SEMA5A: variants seen among roughly 807,000 people sequenced by gnomAD.
SEMA5A encodes semaphorin-5A.
A neutral mutation model predicts 135.5 loss-of-function variants in SEMA5A; 55 were observed. That is an observed-to-expected ratio of 0.41 (90% CI 0.33 to 0.51). SEMA5A has a LOEUF of 0.51. Among genes scored for constraint, SEMA5A ranks in the 20% least tolerant of loss-of-function variants. The pLI is 0.37. For missense variants in SEMA5A, 1,290 were observed against 1,419.9 expected (o/e 0.91, Z 1.47); for synonymous variants, 580 against 546.5 (o/e 1.06, Z -0.85).
At chr5:9,124,937 CCTCACATGAAACAA>C (rs1320003371) in intron 13 of SEMA5A, among the ~76,000 whole-genome samples, 1 of 152,184 alleles carries the variant, frequency 6.6e-6, no homozygotes, top group East Asian at 1.9e-4. Flanking sequence ...GACTCATCAT[CCTCACATGAAACAA>C]CTCACAGGAA....
At chr5:9,425,021 G>C (rs1211732024) in intron 2 of SEMA5A, among the ~76,000 whole-genome samples, 2 of 152,104 alleles carry the variant, frequency 1.3e-5, no homozygotes, top group African/African-American at 4.8e-5. Flanking sequence ...TCTCCAAAGG[G>C]TTCCCAATGC....
At chr5:9,366,545 C>A (rs900112678) in intron 3 of SEMA5A, among the ~76,000 whole-genome samples, 2 of 152,144 alleles carry the variant, frequency 1.3e-5, no homozygotes, top group Admixed American at 1.3e-4. Context: ...CCCACCACCA[C>A]GCCCAGCTAA....
At chr5:9,347,657 G>A (rs1753935852) in intron 3 of SEMA5A, among the ~76,000 whole-genome samples, 1 of 152,118 alleles carries the variant, frequency 6.6e-6, no homozygotes, top group Admixed American at 6.5e-5. Flanking sequence ...AAAAATGCGT[G>A]CACTGTTTCA....
At chr5:9,337,154 T>G (rs943417960) in intron 4 of SEMA5A, among the ~76,000 whole-genome samples, 4 of 152,136 alleles carry the variant, frequency 2.6e-5, no homozygotes, top group African/African-American at 7.2e-5. Context: ...CCTTAAGAGA[T>G]AAAGATAAAA....
chr5:9,106,025 A>C (rs981771207), intron 16 of SEMA5A, among the ~76,000 whole-genome samples: 1 of 152,152 alleles, frequency 6.6e-6, no homozygotes, highest in Non-Finnish European at 1.5e-5. Context: ...TTCCTGCCTT[A>C]GGACAGACAG....
intron 5 of SEMA5A, among the ~76,000 whole-genome samples, chr5:9,280,302 T>C (rs1249130547): frequency 6.6e-6 from 1 of 152,170 alleles, no homozygotes; most frequent in African/African-American, 2.4e-5. Context: ...ATGATCCCTA[T>C]TGATCTTGTC....
chr5:9,468,469 T>C (rs1319188507), intron 1 of SEMA5A, among the ~76,000 whole-genome samples: 2 of 152,194 alleles, frequency 1.3e-5, no homozygotes, highest in African/African-American at 4.8e-5. Context: ...TTAATCCTTC[T>C]TTTAATAAAT....
At chr5:9,298,061 T>C (rs1751429209) in intron 5 of SEMA5A, among the ~76,000 whole-genome samples, 1 of 152,140 alleles carries the variant, frequency 6.6e-6, no homozygotes. Flanking sequence ...AACTGTGTCC[T>C]CCCCAAAAGA....
chr5:9,256,144 TA>T (rs1185920061), intron 5 of SEMA5A, among the ~76,000 whole-genome samples: 5 of 152,214 alleles, frequency 3.3e-5, no homozygotes, highest in Non-Finnish European at 7.3e-5. Flanking sequence ...TGTCCCATTA[TA>T]ACCCTTTCCT....
chr5:9,458,251 A>T (rs995282083), intron 1 of SEMA5A, among the ~76,000 whole-genome samples: 2 of 152,088 alleles, frequency 1.3e-5, no homozygotes, highest in African/African-American at 4.8e-5. Flanking sequence ...GCCATTATGT[A>T]TCACAATTGT....
intron 4 of SEMA5A, among the ~76,000 whole-genome samples, chr5:9,327,653 T>C (rs1238068879): frequency 2.6e-5 from 4 of 152,234 alleles, no homozygotes; most frequent in Admixed American, 2.6e-4. Flanking sequence ...CAGCAAATCT[T>C]AGAGATATAA....
intron 1 of SEMA5A, among the ~76,000 whole-genome samples, chr5:9,474,486 TAAAAAA>T (rs58649675): frequency 6.8e-6 from 1 of 146,898 alleles, no homozygotes; most frequent in African/African-American, 2.5e-5. Flanking sequence ...GAAGCATGCT[TAAAAAA>T]AAAAAAATAG....
chr5:9,353,167 A>G (rs548195994), intron 3 of SEMA5A, among the ~76,000 whole-genome samples: 2 of 99,418 alleles, frequency 2.0e-5, no homozygotes, highest in East Asian at 3.1e-4. Flanking sequence ...GAAAGGAGGG[A>G]AAGGAAGGGA....
At chr5:9,122,094 G>A (rs1410737589) in intron 14 of SEMA5A, among the ~76,000 whole-genome samples, 1 of 152,100 alleles carries the variant, frequency 6.6e-6, no homozygotes, top group African/African-American at 2.4e-5. Context: ...GGGATGGAGA[G>A]CAAACAGAAT....
Position 9,197,148 on chromosome 5 carries a change from C to T in SEMA5A, c.1068+20G>A. On this transcript the variant is annotated intron_variant, in intron 10 of 22. Transcript: ENST00000382496. The stretch of plus-strand genomic sequence containing the variant: ...TTCATGGGGGATGCCAACAGTGCCC[C>T]TTTGCCCCCCGAAAATTACCTGGAA... The T allele has an allele frequency of 1.2e-6, 2 of 1,614,000 alleles. No homozygotes were observed. Among genetic ancestry groups the T allele is most frequent in the Non-Finnish European group, 1.7e-6 (2 of 1,179,940 alleles).
chr5:9,253,953 C>A (rs1748929034), intron 5 of SEMA5A, among the ~76,000 whole-genome samples: 1 of 152,090 alleles, frequency 6.6e-6, no homozygotes, highest in African/African-American at 2.4e-5. Context: ...CTCCTCCATG[C>A]CTAACATCAT....
intron 11 of SEMA5A, among the ~76,000 whole-genome samples, chr5:9,163,502 T>C (rs1484900762): frequency 1.3e-5 from 2 of 152,192 alleles, no homozygotes; most frequent in Non-Finnish European, 2.9e-5. Context: ...AGATTCCGTT[T>C]TGCATCTTCA....
At chr5:9,117,292 C>T (rs1310282009) in intron 15 of SEMA5A, among the ~76,000 whole-genome samples, 1 of 152,176 alleles carries the variant, frequency 6.6e-6, no homozygotes, top group Non-Finnish European at 1.5e-5. Flanking sequence ...GGTGATAACA[C>T]ATGCTAAGTT....
chr5:9,483,381 T>C (rs763812927), intron 1 of SEMA5A, among the ~76,000 whole-genome samples: 1 of 152,140 alleles, frequency 6.6e-6, no homozygotes, highest in Non-Finnish European at 1.5e-5. Flanking sequence ...CCAGTCTCTG[T>C]TTGCTAATCA....
Sources: allele counts gnomAD v4.1 joint callset (sites outside exome capture counted in the v4.1 genomes callset), GRCh38; gene constraint gnomAD v4.1.1; transcripts MANE v1.5; gene names NCBI Gene and HGNC (gene_info 2026-07-23, HGNC 2026-07-21).